The following LRRC37A2 variants were observed in gnomAD, a reference collection of about 807,000 sequenced individuals.
The protein encoded by LRRC37A2 is leucine rich repeat containing 37 member A2.
LRRC37A2 carries 9 observed loss-of-function variants against 68.8 expected under a neutral mutation model. The observed-to-expected ratio is 0.13, with a 90% CI of 0.08 to 0.23. The LOEUF (loss-of-function observed/expected upper bound fraction) is 0.23. Ranked by LOEUF, LRRC37A2 falls within the 10% of genes least tolerant of loss-of-function variation. The pLI is 1.00. For synonymous variants in LRRC37A2, 63 were observed against 367.6 expected (o/e 0.17, Z 9.48); for missense variants, 168 against 950.4 (o/e 0.18, Z 10.82).
the LRRC37A2 span, among the ~76,000 whole-genome samples, chr17:46,928,626 A>G: frequency 1.3e-5 from 2 of 152,174 alleles, no homozygotes; most frequent in African/African-American, 4.8e-5. Flanking sequence ...ATGAGATGGC[A>G]GTTCCTTCGT....
chr17:46,883,004 A>G, the LRRC37A2 span, among the ~76,000 whole-genome samples: 1 of 150,828 alleles, frequency 6.6e-6, no homozygotes, highest in Non-Finnish European at 1.5e-5. Context: ...TTTGAGACAG[A>G]GTCTCCCTCT....
chr17:46,755,432 C>A, the LRRC37A2 span: 1 of 1,318,824 alleles, frequency 7.6e-7, no homozygotes, highest in Non-Finnish European at 1.1e-6. Flanking sequence ...ATCCCTGTGC[C>A]TATTCTAAGA....
chr17:46,851,577 T>C, the LRRC37A2 span: 1 of 950,144 alleles, frequency 1.1e-6, no homozygotes, highest in Non-Finnish European at 1.4e-6. This position sits in a 1 kb window ranked among gnomAD's most constrained non-coding sequence, Gnocchi z 4.3. Flanking sequence ...GGGCGGGTGG[T>C]GGCGGAGCTG....
At chr17:46,714,814 G>A in the LRRC37A2 span, among the ~76,000 whole-genome samples, 1 of 151,982 alleles carries the variant, frequency 6.6e-6, no homozygotes, top group African/African-American at 2.4e-5. Context: ...ATCTTTTATA[G>A]ATATGAACTG....
the LRRC37A2 span, among the ~76,000 whole-genome samples, chr17:46,869,648 TAGTTAGAC>T: frequency 1.3e-5 from 2 of 152,360 alleles, no homozygotes; most frequent in Non-Finnish European, 2.9e-5. Flanking sequence ...ATGATGCATT[TAGTTAGAC>T]AAACCAACTT....
At chr17:46,822,728 G>A in the LRRC37A2 span, among the ~76,000 whole-genome samples, 1 of 152,178 alleles carries the variant, frequency 6.6e-6, no homozygotes, top group African/African-American at 2.4e-5. Flanking sequence ...ATGGCTTCAG[G>A]CTCCCCTCTC....
At chr17:46,494,889 C>A in the LRRC37A2 span, among the ~76,000 whole-genome samples, 1 of 151,112 alleles carries the variant, frequency 6.6e-6, no homozygotes, top group Non-Finnish European at 1.5e-5. Flanking sequence ...ACTCTAGTCA[C>A]CCTACTGTGC....
At chr17:46,915,934 C>T in the LRRC37A2 span, among the ~76,000 whole-genome samples, 7 of 152,344 alleles carry the variant, frequency 4.6e-5, no homozygotes, top group East Asian at 9.6e-4. Flanking sequence ...GAACTCTGGG[C>T]TACTAACAGT....
chr17:46,781,319 C>G, the LRRC37A2 span, among the ~76,000 whole-genome samples: 3 of 151,854 alleles, frequency 2.0e-5, no homozygotes, highest in East Asian at 3.9e-4. Context: ...GCGACAGAAG[C>G]CAGACACGGA....
At chr17:46,721,741 C>G in the LRRC37A2 span, 1 of 1,605,358 alleles carries the variant, frequency 6.2e-7, no homozygotes, top group Non-Finnish European at 8.5e-7. Flanking sequence ...CGGGGATTCT[C>G]TTGCCCACAA....
chr17:46,868,311 G>A, the LRRC37A2 span, among the ~76,000 whole-genome samples: 2 of 152,176 alleles, frequency 1.3e-5, no homozygotes, highest in African/African-American at 4.8e-5. Context: ...CCCATATTTG[G>A]CTGGGCGTGG....
chr17:46,883,117 T>A, the LRRC37A2 span, among the ~76,000 whole-genome samples: 1 of 151,974 alleles, frequency 6.6e-6, no homozygotes, highest in Non-Finnish European at 1.5e-5. Context: ...TAGCTGGGAC[T>A]CCAGGTGCCC....
At chr17:46,475,817 A>G in the LRRC37A2 span, among the ~76,000 whole-genome samples, 7 of 92,858 alleles carry the variant, frequency 7.5e-5, 1 homozygote, top group African/African-American at 2.6e-4. Context: ...CTGGGGAAAA[A>G]AAAAAAAAAA....
chr17:47,036,812 T>G, the LRRC37A2 span, among the ~76,000 whole-genome samples: 16 of 150,532 alleles, frequency 1.1e-4, no homozygotes, highest in Non-Finnish European at 2.2e-4. Context: ...ATTTTCCTAT[T>G]TAGGGTGCCT....
chr17:46,818,661 A>C, the LRRC37A2 span: 1 of 1,425,430 alleles, frequency 7.0e-7, no homozygotes, highest in Non-Finnish European at 9.7e-7. Context: ...CGCCCCCAAT[A>C]GTTGGAACAA....
At chr17:46,993,819 CTA>C in the LRRC37A2 span, among the ~76,000 whole-genome samples, 1 of 152,224 alleles carries the variant, frequency 6.6e-6, no homozygotes, top group African/African-American at 2.4e-5. Context: ...CTGACATCCT[CTA>C]TCTCTCAGCC....
At chr17:46,876,510 G>A in the LRRC37A2 span, 13 of 1,613,538 alleles carry the variant, frequency 8.1e-6, no homozygotes, top group African/African-American at 1.5e-4. Context: ...GACTCACCCA[G>A]CTTCTGCCGG....
At chr17:46,892,402 C>A in the LRRC37A2 span, among the ~76,000 whole-genome samples, 1 of 152,308 alleles carries the variant, frequency 6.6e-6, no homozygotes, top group Non-Finnish European at 1.5e-5. Flanking sequence ...ACCACGTGTT[C>A]CCAGCTCTGT....
chr17:47,000,773 T>C, the LRRC37A2 span, among the ~76,000 whole-genome samples: 1 of 152,138 alleles, frequency 6.6e-6, no homozygotes, highest in South Asian at 2.1e-4. Flanking sequence ...CAAAGTCACC[T>C]TGAGAACCAC....
Sources: allele counts gnomAD v4.1 joint callset (sites outside exome capture counted in the v4.1 genomes callset), GRCh38; gene constraint gnomAD v4.1.1; non-coding constraint Gnocchi (gnomAD v3.1); transcripts MANE v1.5; gene names NCBI Gene and HGNC (gene_info 2026-07-23, HGNC 2026-07-21).